Variants in CDK8 observed in about 807,000 individuals in gnomAD.
CDK8 encodes the protein cyclin dependent kinase 8.
CDK8 carries 29 observed loss-of-function variants against 71.5 expected under a neutral mutation model. The observed-to-expected ratio is 0.41, with a 90% CI of 0.30 to 0.55. CDK8 has a LOEUF of 0.55. Ranked by LOEUF, CDK8 falls within the 20% of genes least tolerant of loss-of-function variation. The probability of loss-of-function intolerance (pLI) is 0.37; values close to 1 mark genes in which losing one functional copy is unlikely to be tolerated. For missense variants in CDK8, 288 were observed against 572.6 expected, an observed-to-expected ratio of 0.50 and a Z score of 5.07; for synonymous variants, 161 against 192.1, an observed-to-expected ratio of 0.84 and a Z score of 1.34.
chr13:26,362,638 G>A (rs1404312857), intron 4 of CDK8, among the ~76,000 whole-genome samples: 1 of 152,068 alleles, frequency 6.6e-6, no homozygotes, highest in South Asian at 2.1e-4. Context: ...ATCTATGTAC[G>A]TTACTTGGAG....
chr13:26,336,762 G>A (rs1025241866), intron 1 of CDK8, among the ~76,000 whole-genome samples: 1 of 152,018 alleles, frequency 6.6e-6, no homozygotes, highest in Admixed American at 6.5e-5. Flanking sequence ...CGCCATGTTA[G>A]CCAGGATGGT....
chr13:26,310,033 G>C (rs892034769), intron 1 of CDK8, among the ~76,000 whole-genome samples: 14 of 152,198 alleles, frequency 9.2e-5, no homozygotes, highest in Admixed American at 6.5e-5. Flanking sequence ...TAGAATTACA[G>C]GCATGAGCCA....
chr13:26,384,890 A>C (rs1875402688), intron 5 of CDK8, among the ~76,000 whole-genome samples: 1 of 152,334 alleles, frequency 6.6e-6, no homozygotes, highest in South Asian at 2.1e-4. Flanking sequence ...CTAAGAATGG[A>C]AATGCAGCTC....
At chr13:26,299,730 C>A (rs754981906) in intron 1 of CDK8, among the ~76,000 whole-genome samples, 4 of 152,092 alleles carry the variant, frequency 2.6e-5, no homozygotes, top group Non-Finnish European at 5.9e-5. Context: ...CCATCAACAA[C>A]CAAGATTGAA....
intron 6 of CDK8, among the ~76,000 whole-genome samples, chr13:26,385,661 T>C (rs1264444594): frequency 6.6e-6 from 1 of 152,054 alleles, no homozygotes; most frequent in East Asian, 1.9e-4. Context: ...CGCTTGAGCC[T>C]GGTAGGCAAA....
Position 26,320,826 on chromosome 13 carries a change from C to T in CDK8, c.129-16741C>T, listed in dbSNP as rs184304801. Among the ~76,000 whole-genome samples, 5 of 152,238 alleles carry T rather than the reference C, an allele frequency of 3.3e-5. No individual in the cohort carries two copies. The East Asian group carries it at 9.6e-4, about 29-fold the overall frequency. The stretch of plus-strand genomic sequence containing the variant: ...AAATCAAAACTACAGTGAGGTACAC[C>T]TCACACTCATTAGAATGGCTACTAT... On this transcript the variant is annotated intron_variant, in intron 1 of 12. Transcript: ENST00000381527.
intron 1 of CDK8, among the ~76,000 whole-genome samples, chr13:26,309,011 T>C (rs1176226128): frequency 6.6e-6 from 1 of 152,234 alleles, no homozygotes; most frequent in Non-Finnish European, 1.5e-5. Context: ...AGAAGCTTTC[T>C]TATAGGATTG....
At chr13:26,323,539 A>T (rs1232271937) in intron 1 of CDK8, among the ~76,000 whole-genome samples, 1 of 152,086 alleles carries the variant, frequency 6.6e-6, no homozygotes, top group Admixed American at 6.6e-5. Context: ...TTGGGGGGAG[A>T]CAGTTCAGTC....
At chr13:26,344,999 G>T (rs180906025) in intron 2 of CDK8, among the ~76,000 whole-genome samples, 2 of 152,286 alleles carry the variant, frequency 1.3e-5, no homozygotes, top group Non-Finnish European at 2.9e-5. Context: ...TGCTAGACTT[G>T]TATGAGACTG....
intron 1 of CDK8, among the ~76,000 whole-genome samples, chr13:26,316,268 G>A (rs1874508715): frequency 1.3e-5 from 2 of 152,174 alleles, no homozygotes; most frequent in African/African-American, 4.8e-5. Flanking sequence ...ACTGAGGTGG[G>A]AGGATCACCT....
chr13:26,256,328 A>G lies in CDK8; in HGVS notation c.128+1559A>G, dbSNP rs534982169. Among the ~76,000 whole-genome samples, 7 of 152,288 alleles carry G rather than the reference A, an allele frequency of 4.6e-5. No homozygotes were observed. The East Asian group carries it at 9.6e-4, about 21-fold the overall frequency. ...AATTATGTTTGTTAACTCACCATAC[A>G]ATATTTCTCAAAAGCTTTAAACCAT... On this transcript the variant is annotated intron_variant, in intron 1 of 12. Transcript: ENST00000381527.
At chr13:26,322,314 C>G (rs1174299388) in intron 1 of CDK8, among the ~76,000 whole-genome samples, 1 of 152,114 alleles carries the variant, frequency 6.6e-6, no homozygotes, top group Non-Finnish European at 1.5e-5. Flanking sequence ...TGCTACAAGA[C>G]TTAAGTTTGA....
chr13:26,304,618 G>T (rs1394410202), intron 1 of CDK8, among the ~76,000 whole-genome samples: 2 of 151,712 alleles, frequency 1.3e-5, no homozygotes, highest in Non-Finnish European at 2.9e-5. Context: ...GACTTGATAT[G>T]ACAATTATGT....
chr13:26,257,337 T>G (rs1871567970), intron 1 of CDK8, among the ~76,000 whole-genome samples: 1 of 152,196 alleles, frequency 6.6e-6, no homozygotes, highest in African/African-American at 2.4e-5. Context: ...GGTAAAATAA[T>G]TTAGACCAGA....
At chr13:26,261,953 A>G (rs1871787532) in intron 1 of CDK8, among the ~76,000 whole-genome samples, 1 of 152,206 alleles carries the variant, frequency 6.6e-6, no homozygotes, top group African/African-American at 2.4e-5. Flanking sequence ...GACAGTGCTC[A>G]CACCATAATC....
intron 1 of CDK8, among the ~76,000 whole-genome samples, chr13:26,325,970 C>T (rs748930858): frequency 5.9e-5 from 9 of 152,134 alleles, no homozygotes; most frequent in East Asian, 1.9e-4. Context: ...GTCATCTGAA[C>T]GAAAAATGGC....
rs9581655 is a variant in CDK8, at chr13:26,375,226, A to T, written c.457-7588A>T. 6.8e-3 allele frequency among the ~76,000 whole-genome samples: 1,032 copies of T among 152,346 alleles called. 8 individuals are homozygous for T. The highest frequency in any genetic ancestry group is 0.024 in the Middle Eastern group (7 of 294). On this transcript the variant is annotated intron_variant, in intron 4 of 12. Transcript: ENST00000381527. ...AGTGATCATTGTTAGTTCAGAGATCATAGATGATTTTGTTTTCATTGTGCT... is the reference window on the plus strand; with the variant it reads ...AGTGATCATTGTTAGTTCAGAGATCTTAGATGATTTTGTTTTCATTGTGCT...
intron 1 of CDK8, among the ~76,000 whole-genome samples, chr13:26,284,814 A>G (rs1340053070): frequency 6.6e-6 from 1 of 152,024 alleles, no homozygotes; most frequent in African/African-American, 2.4e-5. Context: ...AGGTTATAAT[A>G]ACAACAACAA....
chr13:26,374,975 A>C (rs373988031), intron 4 of CDK8, among the ~76,000 whole-genome samples: 11 of 152,250 alleles, frequency 7.2e-5, no homozygotes, highest in Middle Eastern at 6.8e-3. Context: ...AAATTTAAGG[A>C]CCTAGGAACA....
Sources: gnomAD v4.1 joint callset for allele counts (sites outside exome capture counted in the v4.1 genomes callset) on GRCh38, gnomAD v4.1.1 for gene constraint, MANE v1.5 for transcripts, NCBI Gene and HGNC (gene_info 2026-07-23, HGNC 2026-07-21) for gene names.